APBA2: variants seen among roughly 807,000 people sequenced by gnomAD.
The protein encoded by APBA2 is amyloid beta precursor protein binding family A member 2, also known as amyloid-beta A4 precursor protein-binding family A member 2.
In APBA2, 30 loss-of-function variants were observed where a neutral mutation model predicts 75.0. The observed-to-expected ratio is 0.40, with a 90% CI of 0.30 to 0.54. The LOEUF (loss-of-function observed/expected upper bound fraction) is 0.54. Among genes scored for constraint, APBA2 ranks in the 20% least tolerant of loss-of-function variants. APBA2 has a pLI of 0.49. For missense variants in APBA2, 801 were observed against 1,016.1 expected (o/e 0.79, Z 2.88); for synonymous variants, 444 against 409.6 (o/e 1.08, Z -1.01).
intron 2 of APBA2, among the ~76,000 whole-genome samples, chr15:28,955,043 C>T (rs778614811): frequency 2.6e-5 from 4 of 152,186 alleles, no homozygotes; most frequent in African/African-American, 7.2e-5. Context: ...TTCACCCAGT[C>T]CCCTGGCCTT....
intron 3 of APBA2, among the ~76,000 whole-genome samples, chr15:29,049,138 A>G (rs563983693): frequency 1.3e-5 from 2 of 152,274 alleles, no homozygotes; most frequent in South Asian, 2.1e-4. Context: ...TGGTGCCCAC[A>G]CTTTGCTGTA....
At chr15:29,064,381 G>A (rs955474131) in intron 4 of APBA2, among the ~76,000 whole-genome samples, 3 of 152,208 alleles carry the variant, frequency 2.0e-5, no homozygotes, top group Non-Finnish European at 4.4e-5. Context: ...CCTGCCACGT[G>A]GTTGGCACTG....
intron 1 of APBA2, among the ~76,000 whole-genome samples, chr15:28,898,703 G>A (rs2032661004): frequency 6.6e-6 from 1 of 152,174 alleles, no homozygotes; most frequent in Non-Finnish European, 1.5e-5. Context: ...TCAAGAAAAA[G>A]TATAAAAACA....
intron 2 of APBA2, among the ~76,000 whole-genome samples, chr15:28,993,488 T>G (rs2038345546): frequency 6.6e-6 from 1 of 152,094 alleles, no homozygotes; most frequent in Non-Finnish European, 1.5e-5. Context: ...ATGAGGGTGG[T>G]GGACAGGGGC....
chr15:29,075,493 A>G (rs2042811643), intron 5 of APBA2, among the ~76,000 whole-genome samples: 1 of 152,104 alleles, frequency 6.6e-6, no homozygotes, highest in Non-Finnish European at 1.5e-5. Flanking sequence ...GATTTGTGGT[A>G]ACCAAAAATG....
intron 4 of APBA2, among the ~76,000 whole-genome samples, chr15:29,074,057 T>TA (rs1334873723): frequency 2.0e-5 from 3 of 152,198 alleles, no homozygotes; most frequent in Admixed American, 2.0e-4. Context: ...ACGTAAATAG[T>TA]ACTACTGCTG....
chr15:29,032,860 AC>A (rs968955855), intron 3 of APBA2, among the ~76,000 whole-genome samples: 1 of 151,952 alleles, frequency 6.6e-6, no homozygotes, highest in African/African-American at 2.4e-5. Flanking sequence ...GGGCTGCTCC[AC>A]CCCTGCTGTG....
At chr15:29,014,338 A>G (rs1418153338) in intron 3 of APBA2, among the ~76,000 whole-genome samples, 1 of 152,220 alleles carries the variant, frequency 6.6e-6, no homozygotes, top group South Asian at 2.1e-4. Context: ...TCGGAGAAAG[A>G]AGTGAGGCTA....
intron 4 of APBA2, among the ~76,000 whole-genome samples, chr15:29,060,374 G>A (rs192119728): frequency 6.6e-6 from 1 of 152,186 alleles, no homozygotes; most frequent in African/African-American, 2.4e-5. Flanking sequence ...TGTGGACTGT[G>A]TTATGCCAAA....
At position 29,071,838 on chromosome 15, in the gene APBA2, G is replaced by T. The variant is rs149380359; in HGVS notation, c.952-3083G>T. ...CGCTTGGGAGGGAGATAGAGGAAAC[G>T]CTGTTATGGAGGAAAGGTCACCCCT... On this transcript the variant is annotated intron_variant, in intron 4 of 14. Transcript: ENST00000683413. 6.8e-3 allele frequency among the ~76,000 whole-genome samples: 1,030 copies of T among 151,948 alleles called. 13 individuals are homozygous for T. Among genetic ancestry groups the T allele is most frequent in the African/African-American group, 0.024 (979 of 41,408 alleles).
At chr15:28,910,842 G>A (rs981016919) in intron 1 of APBA2, among the ~76,000 whole-genome samples, 8 of 152,090 alleles carry the variant, frequency 5.3e-5, no homozygotes, top group African/African-American at 1.9e-4. Flanking sequence ...GCTTGACATA[G>A]TTTCTGTTAA....
chr15:29,023,148 C>G (rs2040035171), intron 3 of APBA2, among the ~76,000 whole-genome samples: 1 of 152,130 alleles, frequency 6.6e-6, no homozygotes, highest in Non-Finnish European at 1.5e-5. Flanking sequence ...CCTCCTTCTT[C>G]CCCTCTTCCT....
At chr15:29,049,243 C>T (rs1455734888) in intron 3 of APBA2, among the ~76,000 whole-genome samples, 1 of 152,150 alleles carries the variant, frequency 6.6e-6, no homozygotes, top group Non-Finnish European at 1.5e-5. Flanking sequence ...ACCTGGGCAT[C>T]AGGGTTTTCA....
At chr15:29,038,934 A>C (rs2040883181) in intron 3 of APBA2, among the ~76,000 whole-genome samples, 1 of 151,794 alleles carries the variant, frequency 6.6e-6, no homozygotes, top group South Asian at 2.1e-4. Context: ...GGCCTCCCAA[A>C]GTGCTGGGAT....
chr15:28,967,913 A>G (rs1236279175), intron 2 of APBA2, among the ~76,000 whole-genome samples: 1 of 152,114 alleles, frequency 6.6e-6, no homozygotes, highest in Non-Finnish European at 1.5e-5. Context: ...CATCTTCCCA[A>G]AATTTAACCT....
intron 6 of APBA2, 22 bp from the exon 7 acceptor site, chr15:29,093,053 C>G: frequency 1.2e-6 from 2 of 1,614,124 alleles, no homozygotes. Flanking sequence ...TAGGAAGACT[C>G]TGACTCTGTG....
At chr15:28,988,439 T>G (rs1007162501) in intron 2 of APBA2, among the ~76,000 whole-genome samples, 2 of 151,500 alleles carry the variant, frequency 1.3e-5, no homozygotes, top group Non-Finnish European at 2.9e-5. Flanking sequence ...AATTTTTGTA[T>G]TTTTGGTAGA....
chr15:28,959,581 C>G (rs2036357489), intron 2 of APBA2, among the ~76,000 whole-genome samples: 1 of 151,786 alleles, frequency 6.6e-6, no homozygotes, highest in Non-Finnish European at 1.5e-5. Flanking sequence ...ATAATCTCGA[C>G]TTCCAGTCGC....
intron 1 of APBA2, among the ~76,000 whole-genome samples, chr15:28,915,145 ACATAC>A (rs2152657276): frequency 3.0e-4 from 1 of 3,372 alleles, no homozygotes; most frequent in Admixed American, 2.3e-3. Context: ...TATACCACAC[ACATAC>A]CCATACACAC....
Sources: gnomAD v4.1 joint callset for allele counts (sites outside exome capture counted in the v4.1 genomes callset) on GRCh38, gnomAD v4.1.1 for gene constraint, MANE v1.5 for transcripts, NCBI Gene and HGNC (gene_info 2026-07-23, HGNC 2026-07-21) for gene names.